Variants in CYFIP1 observed in about 807,000 individuals in gnomAD.
CYFIP1 encodes the protein cytoplasmic FMR1-interacting protein 1.
In CYFIP1, 58 loss-of-function variants were observed where a neutral mutation model predicts 163.5. The observed-to-expected ratio is 0.35, with a 90% confidence interval of 0.29 to 0.44. The LOEUF is 0.44. Ranked by LOEUF, CYFIP1 falls within the 20% of genes least tolerant of loss-of-function variation. The pLI is 1.00. For missense variants in CYFIP1, 1,338 were observed against 1,653.8 expected (o/e 0.81, Z 3.31); for synonymous variants, 663 against 660.7 (o/e 1.00, Z -0.05).
chr15:22,961,556 T>A (rs2062683383), intron 1 of CYFIP1, among the ~76,000 whole-genome samples: 1 of 152,040 alleles, frequency 6.6e-6, no homozygotes, highest in Middle Eastern at 3.4e-3. Context: ...TTTTTTTGAT[T>A]TTTTGTAGAG....
chr15:22,937,924 G>T (rs994380376), intron 8 of CYFIP1, among the ~76,000 whole-genome samples: 1 of 152,116 alleles, frequency 6.6e-6, no homozygotes, highest in Admixed American at 6.5e-5. Context: ...AATTCTTAAC[G>T]TGGACTAGCC....
At chr15:22,980,671 G>T (rs1229683500), upstream of CYFIP1, among the ~76,000 whole-genome samples, 1 of 152,028 alleles carries the variant, frequency 6.6e-6, no homozygotes, top group Non-Finnish European at 1.5e-5. Context: ...CGAAGGAACG[G>T]GGTCCGCACC....
intron 13 of CYFIP1, among the ~76,000 whole-genome samples, chr15:22,925,535 T>C (rs1176313318): frequency 6.6e-6 from 1 of 152,194 alleles, no homozygotes; most frequent in Non-Finnish European, 1.5e-5. Flanking sequence ...CTTCACGACC[T>C]GAGAGTATGC....
intron 1 of CYFIP1, among the ~76,000 whole-genome samples, chr15:22,961,670 T>C (rs1446569073): frequency 2.0e-5 from 3 of 152,096 alleles, no homozygotes; most frequent in African/African-American, 7.2e-5. Flanking sequence ...AACGAGCCAC[T>C]TCCCCCTGCC....
chr15:22,882,172 G>A (rs1595506119), intron 24 of CYFIP1, among the ~76,000 whole-genome samples: 1 of 152,220 alleles, frequency 6.6e-6, no homozygotes, highest in Admixed American at 6.5e-5. Context: ...AGATGAAAGT[G>A]GTCCCGGGGT....
At chr15:22,925,641 G>C (rs1426587729) in intron 13 of CYFIP1, among the ~76,000 whole-genome samples, 1 of 152,154 alleles carries the variant, frequency 6.6e-6, no homozygotes. Flanking sequence ...AGGCTCACGA[G>C]GGGAGTGCAG....
intron 3 of CYFIP1, 85 bp from the exon 4 acceptor site, chr15:22,945,024 C>T (rs527674421): frequency 1.5e-5 from 18 of 1,235,298 alleles, no homozygotes; most frequent in South Asian, 7.4e-5. Flanking sequence ...CCAGACAAAG[C>T]GCCACAAACT....
In CYFIP1 at chr15:22,925,965, C is replaced by T. The variant is rs755881860; in HGVS notation, c.1359+17G>A. The stretch of plus-strand genomic sequence containing the variant: ...CTAGAGCGACATGAGGAAGAGCGAG[C>T]GGCCGAGCATCCTCACCTCCACTAG... On this transcript the variant is annotated intron_variant, in intron 13 of 30. Coordinates refer to ENST00000617928, the MANE Select transcript of CYFIP1 (RefSeq NM_014608.6). The T allele has an allele frequency of 4.5e-5, 72 of 1,609,750 alleles. No individual in the cohort carries two copies. Among genetic ancestry groups the T allele is most frequent in the Non-Finnish European group, 5.5e-5 (65 of 1,176,766 alleles).
At chr15:22,894,521 T>C (rs1166447447) in intron 22 of CYFIP1, among the ~76,000 whole-genome samples, 1 of 151,526 alleles carries the variant, frequency 6.6e-6, no homozygotes, top group Non-Finnish European at 1.5e-5. Context: ...AACTCCTGAC[T>C]TCAAGTGATC....
rs1555409979 is a variant in CYFIP1 at position 22,921,784 on chromosome 15, A to AAAAAAAAGAC, written c.1360-2927_1360-2926insGTCTTTTTTT. 4.9e-5 allele frequency among the ~76,000 whole-genome samples: 7 copies of AAAAAAAAGAC among 142,226 alleles called. 1 individual carries two copies. The highest frequency in any genetic ancestry group is 5.2e-5 in the African/African-American group (2 of 38,352). 93.3% of individuals were successfully genotyped at this position (142,226 alleles called of 152,430 possible). ...TGTCTCAAAAAAAAAAAAAAAAAAA[A>AAAAAAAAGAC]AGAAGCACGAGTTACCAGCATTAAG... On this transcript the variant is annotated intron_variant, in intron 13 of 30. Transcript: ENST00000617928.
intron 1 of CYFIP1, among the ~76,000 whole-genome samples, chr15:22,966,479 A>G (rs1276128686): frequency 6.6e-6 from 1 of 151,874 alleles, no homozygotes; most frequent in African/African-American, 2.4e-5. Context: ...GAGACAGGCC[A>G]CAGAGGGAAC....
intron 5 of CYFIP1, among the ~76,000 whole-genome samples, chr15:22,944,129 C>T (rs1419428352): frequency 2.0e-5 from 3 of 151,346 alleles, no homozygotes; most frequent in African/African-American, 7.3e-5. Flanking sequence ...ATCCCAGCTA[C>T]TCAGGAAGCT....
chr15:22,921,697 T>A, intron 13 of CYFIP1, among the ~76,000 whole-genome samples: 1 of 135,622 alleles, frequency 7.4e-6, no homozygotes, highest in East Asian at 2.1e-4. Flanking sequence ...ACCCGGGAGG[T>A]GAAGGTTGCA....
rs774787316 is a variant in CYFIP1 at position 22,869,852 on chromosome 15, C to CAT, written c.*174_*175dup. The CAT allele has an allele frequency of 2.0e-6, 1 of 500,906 alleles. No individual in the cohort carries two copies. Among genetic ancestry groups the CAT allele is most frequent in the Admixed American group, 4.4e-5 (1 of 22,748 alleles). The allele number at this position is 500,906 out of a possible 1,614,324, so 31.0% of individuals were successfully genotyped here. A position where few individuals can be genotyped will look rare whatever the true frequency, so the allele number is the denominator to read the frequency against. On this transcript the variant is annotated 3_prime_UTR_variant, in exon 31 of 31. Coordinates refer to ENST00000617928, the MANE Select transcript of CYFIP1 (RefSeq NM_014608.6). ...CTCAAGAGTTCCTAATTACCAAAAGCATATACAATTTTAGTCTAGAAAAAT... is the reference window on the plus strand; with the variant it reads ...CTCAAGAGTTCCTAATTACCAAAAGCATATATACAATTTTAGTCTAGAAAAAT...
At chr15:22,978,352 CAAAAAAAAAAAAAA>C (rs397976366) in intron 1 of CYFIP1, among the ~76,000 whole-genome samples, 3 of 52,772 alleles carry the variant, frequency 5.7e-5, no homozygotes, top group African/African-American at 1.3e-4. Flanking sequence ...GACTCTGTCA[CAAAAAAAAAAAAAA>C]AAAAAAAAAA....
chr15:22,962,345 C>T (rs921756163), intron 1 of CYFIP1, among the ~76,000 whole-genome samples: 11 of 151,968 alleles, frequency 7.2e-5, no homozygotes, highest in Non-Finnish European at 1.3e-4. Flanking sequence ...CCCCAGGCAT[C>T]GATCCCCTGC....
intron 12 of CYFIP1, among the ~76,000 whole-genome samples, chr15:22,927,373 C>T (rs1488664506): frequency 1.3e-5 from 2 of 150,748 alleles, no homozygotes; most frequent in East Asian, 3.9e-4. Context: ...TCCCAGCTAA[C>T]TCAGGAGGCT....
chr15:22,943,558 G>A (rs1406821002), intron 5 of CYFIP1, among the ~76,000 whole-genome samples: 1 of 152,192 alleles, frequency 6.6e-6, no homozygotes, highest in Non-Finnish European at 1.5e-5. Context: ...ATCATTACTT[G>A]ACTTGCACTT....
At chr15:22,891,656 G>A (rs530146884) in intron 23 of CYFIP1, among the ~76,000 whole-genome samples, 1 of 152,304 alleles carries the variant, frequency 6.6e-6, no homozygotes, top group Admixed American at 6.5e-5. Context: ...AGCGTATGCC[G>A]AGGCTTGGGC....
Sources: allele counts gnomAD v4.1 joint callset (sites outside exome capture counted in the v4.1 genomes callset), GRCh38; gene constraint gnomAD v4.1.1; transcripts MANE v1.5; gene names NCBI Gene and HGNC (gene_info 2026-07-23, HGNC 2026-07-21).